Variants in MAGI3 observed in about 807,000 individuals in gnomAD.
MAGI3 encodes the protein membrane-associated guanylate kinase, WW and PDZ domain-containing protein 3.
Under a neutral mutation model 121.8 loss-of-function variants are expected in MAGI3, and 43 were observed. The observed-to-expected ratio is 0.35, with a 90% CI of 0.28 to 0.46. MAGI3 has a LOEUF of 0.46. MAGI3 is among the 20% of genes least tolerant of loss of function. The pLI is 1.00. For synonymous variants in MAGI3, 553 were observed against 639.3 expected, an observed-to-expected ratio of 0.86 and a Z score of 2.04; for missense variants, 1,547 against 1,797.3, an observed-to-expected ratio of 0.86 and a Z score of 2.52.
chr1:113,568,987 G>C (rs925969073), intron 2 of MAGI3, among the ~76,000 whole-genome samples: 2 of 152,006 alleles, frequency 1.3e-5, no homozygotes, highest in Non-Finnish European at 2.9e-5. Context: ...TTCTTAAAAA[G>C]GTGAAAAAAT....
At chr1:113,595,509 T>C (rs1457428029) in intron 6 of MAGI3, among the ~76,000 whole-genome samples, 3 of 134,602 alleles carry the variant, frequency 2.2e-5, no homozygotes, top group Non-Finnish European at 3.2e-5. Context: ...CCTCCTTGTA[T>C]TGAAGTCCAA....
chr1:113,662,114 A>G (rs1183736549), intron 16 of MAGI3, among the ~76,000 whole-genome samples: 1 of 152,196 alleles, frequency 6.6e-6, no homozygotes, highest in African/African-American at 2.4e-5. Context: ...TTCCCATCTG[A>G]TACTTCTCCC....
At chr1:113,480,822 C>T (rs377303530) in intron 1 of MAGI3, among the ~76,000 whole-genome samples, 1 of 152,110 alleles carries the variant, frequency 6.6e-6, no homozygotes, top group Non-Finnish European at 1.5e-5. Context: ...CTGGAAACTC[C>T]TATTCTGCCA....
intron 3 of MAGI3, among the ~76,000 whole-genome samples, chr1:113,584,613 C>T (rs985417595): frequency 1.3e-5 from 2 of 152,206 alleles, no homozygotes; most frequent in Non-Finnish European, 2.9e-5. Flanking sequence ...CATACTTCCT[C>T]ATTTTACCAA....
chr1:113,556,236 T>G (rs1260613317), intron 2 of MAGI3, among the ~76,000 whole-genome samples: 2 of 141,696 alleles, frequency 1.4e-5, no homozygotes, highest in African/African-American at 4.9e-5. Flanking sequence ...ACCAGTGCAA[T>G]AGAAAATAGA....
At chr1:113,461,838 A>C (rs903509784) in intron 1 of MAGI3, among the ~76,000 whole-genome samples, 24 of 152,244 alleles carry the variant, frequency 1.6e-4, no homozygotes, top group Admixed American at 1.3e-4. Context: ...ACAAAGGTCT[A>C]ATATTCAGCA....
intron 1 of MAGI3, among the ~76,000 whole-genome samples, chr1:113,416,049 T>C (rs185663875): frequency 7.1e-6 from 1 of 141,156 alleles, no homozygotes; most frequent in Non-Finnish European, 1.6e-5. Context: ...ATTATGTAAT[T>C]AATGACACAT....
intron 1 of MAGI3, among the ~76,000 whole-genome samples, chr1:113,514,228 G>T (rs929396232): frequency 6.6e-6 from 1 of 152,056 alleles, no homozygotes; most frequent in Non-Finnish European, 1.5e-5. Context: ...GGTTCCTCAG[G>T]GATCTAGAAC....
chr1:113,543,032 C>T (rs140161113), intron 1 of MAGI3, among the ~76,000 whole-genome samples: 12 of 151,774 alleles, frequency 7.9e-5, no homozygotes, highest in Admixed American at 3.3e-4. Context: ...ATAGCATATA[C>T]TATAATAAAT....
At chr1:113,421,658 A>G (rs965997539) in intron 1 of MAGI3, among the ~76,000 whole-genome samples, 1 of 152,146 alleles carries the variant, frequency 6.6e-6, no homozygotes, top group Non-Finnish European at 1.5e-5. Context: ...TGTACCAGGT[A>G]CTTGGACCAT....
Position 113,642,085 on chromosome 1 carries a change from C to T in MAGI3, c.1535C>T (p.Pro512Leu). ...GTTGTGGACATTGTTGCTGCTACCC[C>T]TGTCATCAATGGACAGTCATTAACC... ...DPVVDIVAAT[P>L]VINGQSLTKG... Residue 512 changes from proline to leucine, a missense_variant, in exon 10 of 21, where the codon CCT becomes CTT. Pro to Leu is a moderately conservative substitution (Grantham distance 98, BLOSUM62 -3). Coordinates refer to ENST00000307546, the MANE Select transcript of MAGI3 (RefSeq NM_001142782.2). 1 of 1,614,176 alleles carries T rather than the reference C, an allele frequency of 6.2e-7. No individual in the cohort carries two copies. The highest frequency in any genetic ancestry group is 1.3e-5 in the African/African-American group (1 of 75,044).
intron 1 of MAGI3, among the ~76,000 whole-genome samples, chr1:113,405,740 C>T (rs570488121): frequency 6.6e-6 from 1 of 152,150 alleles, no homozygotes; most frequent in African/African-American, 2.4e-5. Context: ...TCTCTGCTGC[C>T]TTTGATTTGC....
chr1:113,394,663 A>T (rs901185669), intron 1 of MAGI3, among the ~76,000 whole-genome samples: 2 of 152,180 alleles, frequency 1.3e-5, no homozygotes, highest in African/African-American at 2.4e-5. Flanking sequence ...CTTTAAGCTC[A>T]TATTTCAGCA....
intron 14 of MAGI3, 25 bp from the exon 15 acceptor site, chr1:113,653,805 T>C (rs769665425): frequency 3.2e-6 from 5 of 1,569,046 alleles, no homozygotes; most frequent in Non-Finnish European, 3.4e-6. Context: ...TCCAGACATA[T>C]CAAAACTGAT....
chr1:113,575,524 C>A (rs1647572183), intron 2 of MAGI3, among the ~76,000 whole-genome samples: 1 of 152,208 alleles, frequency 6.6e-6, no homozygotes, highest in Middle Eastern at 3.2e-3. Flanking sequence ...GCAGAGGCTG[C>A]AGAACAGCAA....
In MAGI3 at chr1:113,683,821, A is replaced by G. The variant is rs745661270; in HGVS notation, c.4253A>G (p.Lys1418Arg). 1.9e-6 allele frequency: 3 copies of G among 1,611,346 alleles called. No individual in the cohort carries two copies. The highest frequency in any genetic ancestry group is 2.5e-6 in the Non-Finnish European group (3 of 1,178,688). ...AGGCTGAAGCAAGAACCTGAAGAGA[A>G]GGTAGTTTCAAACAAAACAGAAGAT... ...EKRLKQEPEE[K>R]VVSNKTEDHK... The change falls in exon 21 of 21, where the codon AAG becomes AGG. Residue 1418 changes from lysine to arginine, a missense_variant. Lys to Arg is a conservative substitution (Grantham distance 26, BLOSUM62 2). Coordinates refer to ENST00000307546, the MANE Select transcript of MAGI3 (RefSeq NM_001142782.2).
chr1:113,638,753 C>T (rs1466024567), intron 9 of MAGI3, among the ~76,000 whole-genome samples: 87 of 152,206 alleles, frequency 5.7e-4, no homozygotes, highest in Non-Finnish European at 2.9e-5. Flanking sequence ...AACCACTGCT[C>T]TCCTCAAAGC....
chr1:113,432,260 G>T (rs2101423446), intron 1 of MAGI3, among the ~76,000 whole-genome samples: 1 of 152,214 alleles, frequency 6.6e-6, no homozygotes, highest in East Asian at 1.9e-4. Flanking sequence ...TATTGACCTT[G>T]TTCTAGCACT....
At chr1:113,409,011 C>G (rs1165058826) in intron 1 of MAGI3, among the ~76,000 whole-genome samples, 3 of 151,926 alleles carry the variant, frequency 2.0e-5, no homozygotes, top group African/African-American at 7.3e-5. Context: ...TAAAATTGAT[C>G]TATTTATTAC....
Sources: gnomAD v4.1 joint callset for allele counts (sites outside exome capture counted in the v4.1 genomes callset) on GRCh38, gnomAD v4.1.1 for gene constraint, MANE v1.5 for transcripts, NCBI Gene and HGNC (gene_info 2026-07-23, HGNC 2026-07-21) for gene names.